JADE1: variants seen among roughly 807,000 people sequenced by gnomAD.
The protein encoded by JADE1 is protein Jade-1.
In JADE1, 14 loss-of-function variants were observed where a neutral mutation model predicts 81.8. The ratio of observed to expected loss-of-function variants is 0.17; its 90% CI spans 0.11 to 0.27. JADE1 has a LOEUF of 0.27. Among genes scored for constraint, JADE1 ranks in the 10% least tolerant of loss-of-function variants. The pLI is 1.00. For missense variants in JADE1, 690 were observed against 1,047.9 expected, an observed-to-expected ratio of 0.66 and a Z score of 4.71; for synonymous variants, 353 against 391.9, an observed-to-expected ratio of 0.90 and a Z score of 1.17.
intron 1 of JADE1, among the ~76,000 whole-genome samples, chr4:128,830,664 G>T (rs1385605202): frequency 6.6e-6 from 1 of 152,198 alleles, no homozygotes; most frequent in Non-Finnish European, 1.5e-5. Context: ...ACTTGAAAAA[G>T]CTCCCTTTCA....
At chr4:128,867,038 A>G (rs975331300) in intron 9 of JADE1, among the ~76,000 whole-genome samples, 3 of 152,212 alleles carry the variant, frequency 2.0e-5, no homozygotes, top group Non-Finnish European at 4.4e-5. Context: ...GGTTAGGGTT[A>G]TGTGATCCAA....
chr4:128,839,824 G>T (rs1279548812), intron 2 of JADE1, among the ~76,000 whole-genome samples: 1 of 152,168 alleles, frequency 6.6e-6, no homozygotes, highest in Non-Finnish European at 1.5e-5. Context: ...TCTGTTGGTG[G>T]ATGTTTAGGT....
chr4:128,872,987 A>G lies in JADE1; in HGVS notation c.*725A>G, dbSNP rs542698130. The stretch of plus-strand genomic sequence containing the variant: ...CTGGTGGAGAGTGAGACTGTTAGGA[A>G]AGTTGTATCTATGAATAAGGGCAGT... On this transcript the variant is annotated 3_prime_UTR_variant, in exon 11 of 11. Coordinates refer to ENST00000226319, the MANE Select transcript of JADE1 (RefSeq NM_199320.4). 4 of 450,618 alleles carry G rather than the reference A, an allele frequency of 8.9e-6. No homozygotes were observed. Among genetic ancestry groups the G allele is most frequent in the African/African-American group, 8.0e-5 (4 of 49,882 alleles). The allele number at this position is 450,618 out of a possible 1,614,324, so 27.9% of individuals were successfully genotyped here. A position where few individuals can be genotyped will look rare whatever the true frequency, so the allele number is the denominator to read the frequency against.
intron 2 of JADE1, among the ~76,000 whole-genome samples, chr4:128,842,113 C>T (rs1729481056): frequency 6.6e-6 from 1 of 152,172 alleles, no homozygotes; most frequent in African/African-American, 2.4e-5. Context: ...TTAGTCTTCA[C>T]TAAGTTTGTT....
intron 2 of JADE1, among the ~76,000 whole-genome samples, chr4:128,841,687 G>A (rs116668300): frequency 0.013 from 1,991 of 152,294 alleles, 17 homozygotes; most frequent in South Asian, 0.031. Context: ...AGGTTAGTCT[G>A]GGAATGTAGG....
chr4:128,856,849 A>G lies in JADE1; in HGVS notation c.865-489A>G, dbSNP rs143115935. 3.9e-4 allele frequency among the ~76,000 whole-genome samples: 59 copies of G among 152,272 alleles called. 1 individual carries two copies. The highest frequency in any genetic ancestry group is 1.3e-3 in the African/African-American group (54 of 41,550). On this transcript the variant is annotated intron_variant, in intron 7 of 10. Transcript: ENST00000226319. The stretch of plus-strand genomic sequence containing the variant: ...TCGGTGATCCAGGCTGAATGCAGAG[A>G]TGATACCTTATTTATCTTTGTAATT...
chr4:128,871,836 C>T lies in JADE1; in HGVS notation c.2103C>T (p.Ala701=), dbSNP rs748098574. The part of the protein sequence containing the change: ...SQRHLDNTRA[A]TSPGVGQSAP... Reference sequence around the variant, plus strand: ...GGCATCTGGACAACACAAGAGCTGCCACCTCCCCTGGAGTGGGGCAGTCAG... The same window carrying T: ...GGCATCTGGACAACACAAGAGCTGCTACCTCCCCTGGAGTGGGGCAGTCAG... Residue 701 remains alanine, a synonymous_variant, in exon 11 of 11, where the codon GCC becomes GCT. Coordinates refer to ENST00000226319, the MANE Select transcript of JADE1 (RefSeq NM_199320.4). This position sits in a 1 kb window ranked among gnomAD's most constrained non-coding sequence, Gnocchi z 4.1. 6.2e-7 allele frequency: 1 copy of T among 1,614,050 alleles called. No individual in the cohort carries two copies. The highest frequency in any genetic ancestry group is 1.1e-5 in the South Asian group (1 of 91,066).
chr4:128,859,423 GTGCATATGTA>G (rs1731105093), intron 8 of JADE1, among the ~76,000 whole-genome samples: 1 of 152,182 alleles, frequency 6.6e-6, no homozygotes, highest in African/African-American at 2.4e-5. Context: ...GTATGCATGT[GTGCATATGTA>G]TGCATGTGTG....
chr4:128,855,218 G>C (rs1335547071), intron 6 of JADE1, among the ~76,000 whole-genome samples: 1 of 152,168 alleles, frequency 6.6e-6, no homozygotes, highest in African/African-American at 2.4e-5. Flanking sequence ...TAGAGAAATA[G>C]CTTCTCTCAC....
chr4:128,863,543 T>A, intron 9 of JADE1: 1 of 985,384 alleles, frequency 1.0e-6, no homozygotes, highest in Non-Finnish European at 1.2e-6. Flanking sequence ...CACGACTGAG[T>A]GCCAGCTTAT....
intron 1 of JADE1, among the ~76,000 whole-genome samples, chr4:128,819,312 C>T (rs1727341746): frequency 6.6e-6 from 1 of 152,016 alleles, no homozygotes. Flanking sequence ...CTCTGCTGCT[C>T]AGGCAGTAGT....
rs73850012 is a variant in JADE1 at position 128,848,106 on chromosome 4, T to C, written c.297-874T>C. 3.8e-3 allele frequency among the ~76,000 whole-genome samples: 572 copies of C among 152,292 alleles called. 1 individual carries two copies. The highest frequency in any genetic ancestry group is 0.011 in the African/African-American group (473 of 41,562). ...TTGTTCCTGGGATCATGGGTATATG[T>C]TGGGAGAGTCAGTCCCCTTCTTGGC... On this transcript the variant is annotated intron_variant, in intron 4 of 10. Coordinates refer to ENST00000226319, the MANE Select transcript of JADE1 (RefSeq NM_199320.4).
In JADE1 at chr4:128,818,553, T is replaced by C. The variant is rs1727258600; in HGVS notation, c.-27+8676T>C. On this transcript the variant is annotated intron_variant, in intron 1 of 10. Transcript: ENST00000226319. ...TAATGGTGGTTTATAAACATCATAC[T>C]ACTGATCGGTTGATTTATAGGACAG... is the stretch of plus-strand genomic sequence containing the variant. Among the ~76,000 whole-genome samples the C allele has an allele frequency of 1.3e-5, 2 of 152,216 alleles. 1 individual carries two copies. The highest frequency in any genetic ancestry group is 4.1e-4 in the South Asian group (2 of 4,834).
At chr4:128,863,118 T>A in intron 9 of JADE1, 2 of 985,722 alleles carry the variant, frequency 2.0e-6, no homozygotes, top group Non-Finnish European at 2.4e-6. Context: ...CCTTCTGCTG[T>A]TTGCTGCTTT....
intron 9 of JADE1, among the ~76,000 whole-genome samples, chr4:128,867,348 G>A (rs1471792957): frequency 6.6e-6 from 1 of 152,198 alleles, no homozygotes; most frequent in African/African-American, 2.4e-5. Context: ...CCTGGTGCAG[G>A]GGGCTCCACT....
intron 1 of JADE1, among the ~76,000 whole-genome samples, chr4:128,815,229 T>C (rs1018399506): frequency 7.1e-6 from 1 of 141,622 alleles, no homozygotes; most frequent in Non-Finnish European, 1.6e-5. Flanking sequence ...GCCTCCAGAG[T>C]AGCTGGGACT....
At chr4:128,833,984 G>A (rs1475271845) in intron 2 of JADE1, among the ~76,000 whole-genome samples, 2 of 152,232 alleles carry the variant, frequency 1.3e-5, no homozygotes, top group East Asian at 3.9e-4. Flanking sequence ...TGCAACTGAG[G>A]AACTGAATTT....
intron 2 of JADE1, among the ~76,000 whole-genome samples, chr4:128,835,947 G>A (rs1472733580): frequency 6.6e-6 from 1 of 152,224 alleles, no homozygotes; most frequent in African/African-American, 2.4e-5. Flanking sequence ...TTCTCCAGGT[G>A]CCCTGGAGGC....
rs1729874998 is a variant in JADE1 at position 128,846,361 on chromosome 4, C to G, written c.139-14C>G. The G allele has an allele frequency of 6.2e-7, 1 of 1,612,928 alleles. No homozygotes were observed. The highest frequency in any genetic ancestry group is 8.5e-7 in the Non-Finnish European group (1 of 1,179,084). On this transcript the variant is annotated splice_polypyrimidine_tract_variant and intron_variant, in intron 3 of 10. Transcript: ENST00000226319. The surrounding 1 kb of genome is among the most constrained non-coding windows in gnomAD (Gnocchi z 4.0). ...AAATATCAAATGTCAGTGTCCCTTT[C>G]TCTTCCTTTCCAGGTGTTTAGGACA...
Sources: allele counts gnomAD v4.1 joint callset (sites outside exome capture counted in the v4.1 genomes callset), GRCh38; gene constraint gnomAD v4.1.1; non-coding constraint Gnocchi (gnomAD v3.1); transcripts MANE v1.5; gene names NCBI Gene and HGNC (gene_info 2026-07-23, HGNC 2026-07-21).